Variants in CALY observed in about 807,000 individuals in gnomAD.
CALY encodes the protein calcyon neuron specific vesicular protein, also known as neuron-specific vesicular protein calcyon.
In CALY, 15 loss-of-function variants were observed where a neutral mutation model predicts 20.2. That is an observed-to-expected ratio of 0.74 (90% CI 0.50 to 1.14). The LOEUF is 1.14. CALY is among the 50% of genes most tolerant of loss of function. CALY has a pLI of 0.00. For missense variants in CALY, 270 were observed against 304.4 expected (o/e 0.89, Z 0.84); for synonymous variants, 129 against 131.8 (o/e 0.98, Z 0.15).
intron 1 of CALY, among the ~76,000 whole-genome samples, chr10:133,333,265 G>A (rs1848341312): frequency 8.5e-6 from 1 of 117,522 alleles, no homozygotes; most frequent in African/African-American, 3.5e-5. Context: ...CAAGGTGGAA[G>A]GATCCGAGGG....
chr10:133,327,569 G>A, intron 3 of CALY: 3 of 583,910 alleles, frequency 5.1e-6, no homozygotes, highest in Non-Finnish European at 9.1e-6. Flanking sequence ...ACTGCAGAAA[G>A]GAAGTATTAC....
chr10:133,328,087 G>A, intron 2 of CALY, 72 bp from the exon 3 acceptor site: 1 of 906,748 alleles, frequency 1.1e-6, no homozygotes, highest in Non-Finnish European at 1.8e-6. Context: ...ACTGAGAGGG[G>A]AGGGAGCCAG....
chr10:133,333,128 G>C (rs550924591), intron 1 of CALY, among the ~76,000 whole-genome samples: 236 of 151,922 alleles, frequency 1.6e-3, no homozygotes, highest in African/African-American at 5.4e-3. Flanking sequence ...GGCACCACGG[G>C]AACAGGAGCA....
In CALY at chr10:133,327,967, G is replaced by C. The variant is rs780867007; in HGVS notation, c.184C>G (p.Gln62Glu). Residue 62 changes from glutamine (Q) to glutamate (E), a missense_variant, in exon 3 of 6, where the codon CAG (glutamine) becomes GAG (glutamate). Gln to Glu is a conservative substitution (Grantham distance 29). Transcript: ENST00000252939. ...TGGCCCTCCAGGTCAGGGAAATTCT[G>C]CTGGTCTGGGGAGGACAGCTGGTAT... is the stretch of plus-strand genomic sequence containing the variant. ...TEYQLSSPDQ[Q>E]NFPDLEGQRL... 6.2e-7 allele frequency: 1 copy of C among 1,613,140 alleles called. No homozygotes were observed. The highest frequency in any genetic ancestry group is 1.7e-5 in the Admixed American group (1 of 59,924).
chr10:133,326,143 G>A, intron 4 of CALY, 23 bp from the exon 5 acceptor site: 1 of 1,593,104 alleles, frequency 6.3e-7, no homozygotes. Flanking sequence ...CCGGGTCAGG[G>A]TCGGTGGGGC....
intron 2 of CALY, 89 bp from the exon 3 acceptor site, chr10:133,328,104 C>T (rs1209485016): frequency 1.2e-6 from 1 of 802,370 alleles, no homozygotes; most frequent in Non-Finnish European, 2.1e-6. Flanking sequence ...CCAGCGTCAG[C>T]TTCGTGGCAG....
At chr10:133,327,555 A>G in intron 3 of CALY, 1 of 580,342 alleles carries the variant, frequency 1.7e-6, no homozygotes, top group Non-Finnish European at 3.1e-6. Context: ...TATTTGCCAG[A>G]TATACTGCAG....
rs201856809 is a variant in CALY, at chr10:133,326,103, C to T, written c.378G>A (p.Pro126=). 1.1e-5 allele frequency: 17 copies of T among 1,595,322 alleles called. No homozygotes were observed. The highest frequency in any genetic ancestry group is 1.5e-5 in the Non-Finnish European group (17 of 1,167,692). Residue 126 remains proline (P), a synonymous_variant, in exon 5 of 6, where the codon CCG becomes CCA. Coordinates refer to ENST00000252939, the MANE Select transcript of CALY (RefSeq NM_015722.4). The stretch of plus-strand genomic sequence containing the variant: ...CCGTGTAGTACATCTCCAGGGTCAG[C>T]GGCGTGCAGATCTTGTGCTGCGGGA... ...GFLLRHKICT[P]LTLEMYYTEM...
Position 133,326,047 on chromosome 10 carries a change from A to G in CALY, c.434T>C (p.Leu145Pro). The G allele has an allele frequency of 6.3e-7, 1 of 1,597,362 alleles. No individual in the cohort carries two copies. Among genetic ancestry groups the G allele is most frequent in the Non-Finnish European group, 8.5e-7 (1 of 1,172,126 alleles). ...EMDPERHRSI[L>P]AAIGAYPLSR... The stretch of plus-strand genomic sequence containing the variant: ...CAGCGGGTAGGCCCCGATGGCCGCC[A>G]GGATGCTGCGGTGGCGCTCGGGGTC... Residue 145 changes from leucine to proline, a missense_variant, in exon 5 of 6, where the codon CTG becomes CCG. Physicochemically the swap from Leu to Pro is moderately conservative, Grantham distance 98. Transcript: ENST00000252939.
Position 133,324,735 on chromosome 10 carries a change from CTGGGG to C in CALY, c.*855_*859del. Reference sequence around the variant, plus strand: ...TGTAGTGTTCAGTGCCGGGAGTTGGCTGGGGCTGGGGTGGGGATGCTGGGGCTGGG... The same window carrying C: ...TGTAGTGTTCAGTGCCGGGAGTTGGCCTGGGGTGGGGATGCTGGGGCTGGG... On this transcript the variant is annotated 3_prime_UTR_variant, in exon 6 of 6. Coordinates refer to ENST00000252939, the MANE Select transcript of CALY (RefSeq NM_015722.4). 2.3e-5 allele frequency: 1 copy of C among 44,150 alleles called. No homozygotes were observed. The highest frequency in any genetic ancestry group is 6.1e-4 in the East Asian group (1 of 1,646). 2.7% of individuals were successfully genotyped at this position (44,150 alleles called of 1,614,324 possible). A position where few individuals can be genotyped will look rare whatever the true frequency, so the allele number is the denominator to read the frequency against.
chr10:133,336,140 C>G (rs2133387752), intron 1 of CALY, among the ~76,000 whole-genome samples: 1 of 152,280 alleles, frequency 6.6e-6, no homozygotes, highest in East Asian at 1.9e-4. Context: ...CCTCCCGCCC[C>G]TGGCGCTGCA....
chr10:133,336,137 C>T (rs1341624797), intron 1 of CALY, among the ~76,000 whole-genome samples: 1 of 152,164 alleles, frequency 6.6e-6, no homozygotes, highest in Non-Finnish European at 1.5e-5. Flanking sequence ...CAGCCTCCCG[C>T]CCCTGGCGCT....
At chr10:133,326,256 A>G (rs1848207665) in intron 4 of CALY, 136 bp from the exon 5 acceptor site, 2 of 1,550,542 alleles carry the variant, frequency 1.3e-6, no homozygotes, top group South Asian at 1.2e-5. Flanking sequence ...ACCGAAGATC[A>G]GCCTCCAGTT....
In CALY at chr10:133,324,138, C is replaced by T. The variant is rs1848165249; in HGVS notation, c.*1457G>A. 3.1e-6 allele frequency: 1 copy of T among 318,398 alleles called. No individual in the cohort carries two copies. The highest frequency in any genetic ancestry group is 6.3e-6 in the Non-Finnish European group (1 of 159,836). The allele number at this position is 318,398 out of a possible 1,614,324, so 19.7% of individuals were successfully genotyped here. ...AGAGACTCCCTGCCCCCATATATCCCAGCTGACGCCCCAGGCCCCGGGCCC... is the reference window on the plus strand; with the variant it reads ...AGAGACTCCCTGCCCCCATATATCCTAGCTGACGCCCCAGGCCCCGGGCCC... On this transcript the variant is annotated 3_prime_UTR_variant, in exon 6 of 6. Transcript: ENST00000252939.
chr10:133,328,150 G>A, intron 2 of CALY, 135 bp from the exon 3 acceptor site: 1 of 647,518 alleles, frequency 1.5e-6, no homozygotes, highest in Non-Finnish European at 2.8e-6. Context: ...AGGACTGTCT[G>A]GTGGATGGCA....
At chr10:133,327,803 G>A in intron 3 of CALY, 102 bp downstream of exon 3, 1 of 786,942 alleles carries the variant, frequency 1.3e-6, no homozygotes, top group South Asian at 1.4e-5. Flanking sequence ...TGAGAGCAAG[G>A]GGACCCCAGA....
intron 1 of CALY, among the ~76,000 whole-genome samples, chr10:133,332,363 G>A (rs552975927): frequency 6.6e-6 from 1 of 152,304 alleles, no homozygotes; most frequent in African/African-American, 2.4e-5. Flanking sequence ...TCTACTCCAG[G>A]TGGATAAACC....
In CALY at chr10:133,326,124, C is replaced by A. The variant is rs758156862; in HGVS notation, c.361-4G>T. ...TCAGCGGCGTGCAGATCTTGTGCTG[C>A]GGGAGGGGCCGGGTCAGGGTCGGTG... On this transcript the variant is annotated splice_region_variant and splice_polypyrimidine_tract_variant and intron_variant, in intron 4 of 5. Transcript: ENST00000252939. 56 of 1,592,260 alleles carry A rather than the reference C, an allele frequency of 3.5e-5. No homozygotes were observed. The South Asian group carries it at 6.1e-4, about 17-fold the overall frequency.
intron 1 of CALY, among the ~76,000 whole-genome samples, chr10:133,332,123 G>A (rs1224888616): frequency 1.2e-4 from 5 of 41,628 alleles, no homozygotes; most frequent in South Asian, 1.6e-3. Flanking sequence ...GCAAAACTCC[G>A]TCTGGGAAAA....
Sources: allele counts gnomAD v4.1 joint callset (sites outside exome capture counted in the v4.1 genomes callset), GRCh38; gene constraint gnomAD v4.1.1; transcripts MANE v1.5; gene names NCBI Gene and HGNC (gene_info 2026-07-23, HGNC 2026-07-21).